STK31: variants seen among roughly 807,000 people sequenced by gnomAD.
STK31 encodes serine/threonine kinase 31, also known as serine/threonine-protein kinase 31.
In STK31, 89 loss-of-function variants were observed where a neutral mutation model predicts 129.7. The observed-to-expected ratio is 0.69, with a 90% CI of 0.58 to 0.82. The LOEUF is 0.82. Ranked by LOEUF, STK31 falls within the 40% of genes least tolerant of loss-of-function variation. The pLI, the probability that STK31 is intolerant of heterozygous loss-of-function variation, is 0.00. For missense variants in STK31, 1,187 were observed against 1,176.4 expected (o/e 1.01, Z -0.13); for synonymous variants, 448 against 395.3 (o/e 1.13, Z -1.58).
chr7:23,807,053 T>C (rs1792758967), intron 22 of STK31, among the ~76,000 whole-genome samples: 1 of 152,190 alleles, frequency 6.6e-6, no homozygotes, highest in African/African-American at 2.4e-5. Flanking sequence ...TCCTGTCTTA[T>C]CAGATCCAAA....
intron 17 of STK31, 104 bp downstream of exon 17, chr7:23,783,767 A>AG: frequency 3.5e-6 from 3 of 859,952 alleles, no homozygotes; most frequent in Non-Finnish European, 5.3e-6. Context: ...TTTAAATAAA[A>AG]ATACTCCTGA....
chr7:23,829,755 G>T (rs1794429199), intron 23 of STK31, among the ~76,000 whole-genome samples: 1 of 152,148 alleles, frequency 6.6e-6, no homozygotes. Flanking sequence ...AAGCTCTGTG[G>T]TCCTGGACTT....
rs953256456 is a variant in STK31 at position 23,781,385 on chromosome 7, G to A, written c.1966-34G>A. 5 of 1,498,796 alleles carry A rather than the reference G, an allele frequency of 3.3e-6. No homozygotes were observed. In the African/African-American group the frequency reaches 4.2e-5, roughly 13 times the overall value. 92.8% of individuals were successfully genotyped at this position (1,498,796 alleles called of 1,614,324 possible). A position where few individuals can be genotyped will look rare whatever the true frequency, so the allele number is the denominator to read the frequency against. ...TTAAAAGAAGACTTGTTTTCTCTAT[G>A]TTAATAAAAAACACTTTTTCTTTCT... is the stretch of plus-strand genomic sequence containing the variant. On this transcript the variant is annotated intron_variant, in intron 15 of 23. Transcript: ENST00000355870.
intron 15 of STK31, 63 bp downstream of exon 15, chr7:23,772,341 C>T: frequency 4.0e-6 from 6 of 1,516,318 alleles, no homozygotes; most frequent in Non-Finnish European, 5.3e-6. Context: ...GTCTCTGCTT[C>T]ATAAAAATAA....
In STK31 at chr7:23,760,963, T is replaced by A. The variant is rs560588316; in HGVS notation, c.1294-1838T>A. ...TTGCAAGTGTTAGCTACCATGCCCG[T>A]ACCCTAGTTCTAAATGTTAATATGG... is the stretch of plus-strand genomic sequence containing the variant. On this transcript the variant is annotated intron_variant, in intron 10 of 23. Coordinates refer to ENST00000355870, the MANE Select transcript of STK31 (RefSeq NM_031414.5). Among the ~76,000 whole-genome samples, 41 of 152,250 alleles carry A rather than the reference T, an allele frequency of 2.7e-4. No individual in the cohort carries two copies. The South Asian group carries it at 3.5e-3, about 13-fold the overall frequency.
chr7:23,786,789 T>C (rs1791309717), intron 19 of STK31, 49 bp from the exon 20 acceptor site: 3 of 1,578,214 alleles, frequency 1.9e-6, no homozygotes, highest in Non-Finnish European at 2.6e-6. Flanking sequence ...GCTAAAAATA[T>C]GTTGAAGAAG....
chr7:23,785,098 A>G (rs147175222), intron 17 of STK31, among the ~76,000 whole-genome samples: 11 of 152,318 alleles, frequency 7.2e-5, no homozygotes, highest in Non-Finnish European at 1.0e-4. Context: ...AGTGGTGTAC[A>G]CTAACCCAAT....
Position 23,752,793 on chromosome 7 carries a change from A to G in STK31, c.1094A>G (p.Lys365Arg). Residue 365 changes from lysine (K) to arginine (R), a missense_variant, in exon 9 of 24, where the codon AAA becomes AGA. Physicochemically the swap from Lys to Arg is conservative, Grantham distance 26 (BLOSUM62 2). Coordinates refer to ENST00000355870, the MANE Select transcript of STK31 (RefSeq NM_031414.5). ...AAGACCTATATAGATACCAGAATGAAAAATCTGGCAGCTAAGATGGAAATA... is the reference window on the plus strand; with the variant it reads ...AAGACCTATATAGATACCAGAATGAGAAATCTGGCAGCTAAGATGGAAATA... ...TLKTYIDTRM[K>R]NLAAKMEILK... 2 of 1,613,242 alleles carry G rather than the reference A, an allele frequency of 1.2e-6. No individual in the cohort carries two copies. The highest frequency in any genetic ancestry group is 1.7e-6 in the Non-Finnish European group (2 of 1,179,504).
intron 23 of STK31, among the ~76,000 whole-genome samples, chr7:23,822,768 C>G (rs895568391): frequency 6.6e-6 from 1 of 152,088 alleles, no homozygotes; most frequent in African/African-American, 2.4e-5. Flanking sequence ...CACAACAGTC[C>G]CCGGTATGTG....
At chr7:23,791,410 G>T (rs529824330) in intron 22 of STK31, 1 of 524,412 alleles carries the variant, frequency 1.9e-6, no homozygotes, top group African/African-American at 2.1e-5. Context: ...CTTATAAGTG[G>T]GAGCTAAACA....
intron 22 of STK31, among the ~76,000 whole-genome samples, chr7:23,797,537 GAAAT>G (rs1420345831): frequency 9.9e-5 from 15 of 152,178 alleles, no homozygotes; most frequent in African/African-American, 1.7e-4. Flanking sequence ...AATTAAGGCA[GAAAT>G]AAATAAGTTC....
intron 19 of STK31, 42 bp from the exon 20 acceptor site, chr7:23,786,796 G>A: frequency 6.3e-7 from 1 of 1,585,170 alleles, no homozygotes; most frequent in African/African-American, 1.4e-5. Context: ...ATATGTTGAA[G>A]AAGTTTTTAC....
intron 23 of STK31, among the ~76,000 whole-genome samples, chr7:23,821,487 C>T (rs983069017): frequency 6.6e-6 from 1 of 151,954 alleles, no homozygotes; most frequent in African/African-American, 2.4e-5. Flanking sequence ...CTATTTATGT[C>T]CTTTGCCCAC....
intron 4 of STK31, chr7:23,722,015 T>A (rs1786735905): frequency 5.4e-6 from 1 of 185,728 alleles, no homozygotes; most frequent in Non-Finnish European, 1.1e-5. Context: ...GCAGTGGGTT[T>A]GAACATCCTC....
intron 18 of STK31, among the ~76,000 whole-genome samples, chr7:23,785,849 T>TGGGG (rs1250270131): frequency 2.3e-5 from 1 of 44,222 alleles, no homozygotes; most frequent in African/African-American, 8.8e-5. Context: ...TGTCATGGGG[T>TGGGG]GGGGGGCAGG....
intron 22 of STK31, among the ~76,000 whole-genome samples, chr7:23,802,607 G>A (rs1413693572): frequency 6.6e-6 from 1 of 152,082 alleles, no homozygotes; most frequent in African/African-American, 2.4e-5. Flanking sequence ...TCTGCCTCCC[G>A]GGTTCAAATG....
intron 17 of STK31, among the ~76,000 whole-genome samples, chr7:23,785,041 A>G (rs1350054699): frequency 2.0e-5 from 3 of 152,152 alleles, no homozygotes; most frequent in Non-Finnish European, 4.4e-5. Context: ...TTACATGGAT[A>G]AGTTCTTTAG....
At chr7:23,767,366 T>C (rs1789896567) in intron 11 of STK31, among the ~76,000 whole-genome samples, 1 of 152,186 alleles carries the variant, frequency 6.6e-6, no homozygotes, top group Non-Finnish European at 1.5e-5. Flanking sequence ...AGAGTGAAAG[T>C]CTGGACCACA....
At chr7:23,775,085 G>C (rs1354400539) in intron 15 of STK31, among the ~76,000 whole-genome samples, 1 of 152,014 alleles carries the variant, frequency 6.6e-6, no homozygotes, top group Non-Finnish European at 1.5e-5. Flanking sequence ...ATTAAATAGG[G>C]AATCCTTTCC....
Sources: gnomAD v4.1 joint callset for allele counts (sites outside exome capture counted in the v4.1 genomes callset) on GRCh38, gnomAD v4.1.1 for gene constraint, MANE v1.5 for transcripts, NCBI Gene and HGNC (gene_info 2026-07-23, HGNC 2026-07-21) for gene names.